Variants in LINGO2 observed in about 807,000 individuals in gnomAD.
LINGO2 encodes leucine-rich repeat and immunoglobulin-like domain-containing nogo receptor-interacting protein 2.
In LINGO2, 14 loss-of-function variants were observed where a neutral mutation model predicts 30.6. The observed-to-expected ratio is 0.46, with a 90% CI of 0.30 to 0.72. LINGO2 has a LOEUF of 0.72. Ranked by LOEUF, LINGO2 falls within the 30% of genes least tolerant of loss-of-function variation. LINGO2 has a pLI of 0.07. For missense variants in LINGO2, 729 were observed against 751.7 expected (o/e 0.97, Z 0.35); for synonymous variants, 317 against 288.5 (o/e 1.10, Z -1.00).
intron 4 of LINGO2, among the ~76,000 whole-genome samples, chr9:28,062,617 T>TATATATTTTGTATATATACAAAATCAA (rs1431493337): frequency 6.8e-5 from 10 of 146,928 alleles, no homozygotes; most frequent in Non-Finnish European, 1.3e-4. Context: ...AAATCAAATA[T>TATATATTTTGTATATATACAAAATCAA]ATATATTTTG....
intron 1 of LINGO2, among the ~76,000 whole-genome samples, chr9:28,651,214 C>T (rs1828089413): frequency 6.6e-6 from 1 of 151,686 alleles, no homozygotes. Flanking sequence ...TGGGTTAGTA[C>T]AGAAGAGGAC....
At chr9:28,987,263 T>G in the LINGO2 span, among the ~76,000 whole-genome samples, 4 of 151,930 alleles carry the variant, frequency 2.6e-5, no homozygotes, top group Non-Finnish European at 1.5e-5. Context: ...TCTTCATAAT[T>G]CAGTCTTGGT....
At chr9:28,688,617 A>T in the LINGO2 span, among the ~76,000 whole-genome samples, 1 of 152,206 alleles carries the variant, frequency 6.6e-6, no homozygotes, top group East Asian at 1.9e-4. Context: ...TGTGTTCCTC[A>T]TTTAAAAATA....
the LINGO2 span, among the ~76,000 whole-genome samples, chr9:29,213,369 A>G: frequency 6.6e-6 from 1 of 152,110 alleles, no homozygotes; most frequent in African/African-American, 2.4e-5. Flanking sequence ...GAAAGGTGTA[A>G]GAAGAGCCAC....
the LINGO2 span, among the ~76,000 whole-genome samples, chr9:28,675,994 A>C: frequency 6.7e-6 from 1 of 149,908 alleles, no homozygotes; most frequent in African/African-American, 2.4e-5. Context: ...ATTTTAAATA[A>C]GGCATTTTAC....
chr9:28,809,592 C>A, the LINGO2 span, among the ~76,000 whole-genome samples: 9 of 151,816 alleles, frequency 5.9e-5, no homozygotes, highest in South Asian at 6.3e-4. Context: ...AAAAATACAA[C>A]AAAATTAGCT....
At chr9:28,525,472 T>C (rs1349675835) in intron 1 of LINGO2, among the ~76,000 whole-genome samples, 1 of 152,180 alleles carries the variant, frequency 6.6e-6, no homozygotes, top group African/African-American at 2.4e-5. Flanking sequence ...TAATGGAATA[T>C]TATGCCACAA....
intron 4 of LINGO2, among the ~76,000 whole-genome samples, chr9:28,107,819 T>G (rs937202966): frequency 2.0e-5 from 3 of 152,084 alleles, no homozygotes; most frequent in Admixed American, 6.6e-5. Context: ...ATAAAACACC[T>G]CATATGCTTG....
chr9:29,053,046 C>A, the LINGO2 span, among the ~76,000 whole-genome samples: 1 of 151,974 alleles, frequency 6.6e-6, no homozygotes, highest in Admixed American at 6.6e-5. Context: ...GTTTTTATTT[C>A]TCTGTCAATC....
chr9:27,957,677 TG>T (rs149482522), intron 5 of LINGO2, among the ~76,000 whole-genome samples: 29,060 of 152,130 alleles, frequency 0.19, 5,401 homozygotes, highest in African/African-American at 0.48. Flanking sequence ...AAAAATCCTT[TG>T]GGCTTTTCTA....
At chr9:29,212,763 G>A in the LINGO2 span, among the ~76,000 whole-genome samples, 1 of 152,158 alleles carries the variant, frequency 6.6e-6, no homozygotes, top group African/African-American at 2.4e-5. Context: ...GCTGGGCAGC[G>A]CCGCACCGGC....
the LINGO2 span, chr9:27,937,991 A>G: frequency 1.3e-4 from 20 of 152,300 alleles, no homozygotes; most frequent in Non-Finnish European, 2.4e-4. Flanking sequence ...TCAGACTGAA[A>G]ACAGAAAGCC....
chr9:28,800,417 T>C, the LINGO2 span, among the ~76,000 whole-genome samples: 1 of 152,112 alleles, frequency 6.6e-6, no homozygotes, highest in African/African-American at 2.4e-5. Flanking sequence ...GTTACCTCTC[T>C]AGAGACTGTC....
chr9:28,120,536 C>G (rs1193932221), intron 4 of LINGO2, among the ~76,000 whole-genome samples: 1 of 152,128 alleles, frequency 6.6e-6, no homozygotes, highest in Non-Finnish European at 1.5e-5. Flanking sequence ...TTAAAGGGTC[C>G]TTTTCTGGGA....
At chr9:28,017,883 A>G (rs992534678) in intron 4 of LINGO2, among the ~76,000 whole-genome samples, 1 of 152,224 alleles carries the variant, frequency 6.6e-6, no homozygotes, top group African/African-American at 2.4e-5. Context: ...AACAAAAAAC[A>G]GCTCAAATAG....
chr9:27,980,202 C>T (rs1158643218), intron 5 of LINGO2, among the ~76,000 whole-genome samples: 11 of 151,946 alleles, frequency 7.2e-5, no homozygotes, highest in Non-Finnish European at 1.5e-4. Flanking sequence ...GTCTTAAACA[C>T]AGTTCAAGAA....
chr9:29,082,813 C>A, the LINGO2 span, among the ~76,000 whole-genome samples: 1 of 152,088 alleles, frequency 6.6e-6, no homozygotes, highest in Non-Finnish European at 1.5e-5. Flanking sequence ...GTTTATGCAG[C>A]CAACAGATAC....
intron 5 of LINGO2, among the ~76,000 whole-genome samples, chr9:27,981,571 A>AAAAG (rs1820875588): frequency 1.3e-5 from 1 of 74,232 alleles, no homozygotes; most frequent in African/African-American, 3.7e-5. Flanking sequence ...AAAAAAAAAG[A>AAAAG]AAAAAAAAAG....
At chr9:28,818,060 CT>C in the LINGO2 span, among the ~76,000 whole-genome samples, 2 of 152,112 alleles carry the variant, frequency 1.3e-5, no homozygotes. Flanking sequence ...AGAAAAAATA[CT>C]TTTTAGGAGT....
Sources: allele counts gnomAD v4.1 joint callset (sites outside exome capture counted in the v4.1 genomes callset), GRCh38; gene constraint gnomAD v4.1.1; transcripts MANE v1.5; gene names NCBI Gene and HGNC (gene_info 2026-07-23, HGNC 2026-07-21).